Variants in PCDH15 observed in about 807,000 individuals in gnomAD.
The protein encoded by PCDH15 is protocadherin-15.
In PCDH15, 129 loss-of-function variants were observed where a neutral mutation model predicts 178.5. The ratio of observed to expected loss-of-function variants is 0.72; its 90% CI spans 0.63 to 0.84. The LOEUF is 0.84. Ranked by LOEUF, PCDH15 falls within the 40% of genes least tolerant of loss-of-function variation. PCDH15 has a pLI of 0.00. For synonymous variants in PCDH15, 800 were observed against 732.0 expected (o/e 1.09, Z -1.50); for missense variants, 2,230 against 2,099.9 (o/e 1.06, Z -1.21).
chr10:54,870,989 C>A (rs562109707), intron 3 of PCDH15, among the ~76,000 whole-genome samples: 15 of 152,104 alleles, frequency 9.9e-5, no homozygotes, highest in South Asian at 8.3e-4. Context: ...CTTATAGCCC[C>A]CGGGCAATCT....
intron 1 of PCDH15, among the ~76,000 whole-genome samples, chr10:54,687,751 T>A (rs2095039944): frequency 6.6e-6 from 1 of 152,120 alleles, no homozygotes; most frequent in South Asian, 2.1e-4. Context: ...GGTATAAGTC[T>A]CCACTTGTCA....
At chr10:55,167,695 A>G (rs893933219) in intron 1 of PCDH15, among the ~76,000 whole-genome samples, 1 of 152,184 alleles carries the variant, frequency 6.6e-6, no homozygotes, top group Non-Finnish European at 1.5e-5. Flanking sequence ...ATAGATGGAA[A>G]TAGCTATATT....
chr10:55,616,429 CATGTATTA>C (rs1314005685), intron 2 of PCDH15, among the ~76,000 whole-genome samples: 1 of 151,316 alleles, frequency 6.6e-6, no homozygotes, highest in Non-Finnish European at 1.5e-5. Flanking sequence ...TGCAGACAAC[CATGTATTA>C]ATAGTTACAT....
chr10:54,066,776 G>A lies in PCDH15; in HGVS notation c.2201C>T (p.Ala734Val). ...NLSVVEEEAN[A>V]FVGQVKATDP... ...ACTTACTTTTACTTGACCCACAAAGGCATTGGCTTCTTCTTCCACCACAGA... is the reference window on the plus strand; with the variant it reads ...ACTTACTTTTACTTGACCCACAAAGACATTGGCTTCTTCTTCCACCACAGA... Residue 734 changes from alanine (A) to valine (V), a missense_variant, in exon 18 of 38, where the codon GCC becomes GTC. By Grantham distance (64) the Ala-to-Val change is moderately conservative. Coordinates refer to ENST00000644397, the MANE Select transcript of PCDH15 (RefSeq NM_001384140.1). The A allele has an allele frequency of 6.2e-7, 1 of 1,613,182 alleles. No homozygotes were observed.
At chr10:55,038,199 A>T (rs1840782723) in intron 2 of PCDH15, among the ~76,000 whole-genome samples, 1 of 152,288 alleles carries the variant, frequency 6.6e-6, no homozygotes, top group African/African-American at 2.4e-5. Flanking sequence ...AAAAATAACT[A>T]AACATTTATG....
At chr10:54,745,887 T>C (rs181192962) in intron 1 of PCDH15, among the ~76,000 whole-genome samples, 39 of 152,252 alleles carry the variant, frequency 2.6e-4, no homozygotes, top group Admixed American at 1.3e-3. Context: ...GAATATACTT[T>C]TATTAGATAT....
Position 54,722,415 on chromosome 10 carries a change from T to A in PCDH15, c.-28-58125A>T, listed in dbSNP as rs146869349. On this transcript the variant is annotated intron_variant, in intron 1 of 37. Transcript: ENST00000644397. ...TCTGGGAATTTCTCTTATCTCTTGGTTAATTTAACTAGCAGTCAATTCTGT... is the reference window on the plus strand; with the variant it reads ...TCTGGGAATTTCTCTTATCTCTTGGATAATTTAACTAGCAGTCAATTCTGT... Among the ~76,000 whole-genome samples, 135 of 151,880 alleles carry A rather than the reference T, an allele frequency of 8.9e-4. 1 individual carries two copies. The East Asian group carries it at 0.024, about 27-fold the overall frequency.
At chr10:55,203,556 C>G (rs1539686) in intron 1 of PCDH15, among the ~76,000 whole-genome samples, 1,649 of 152,128 alleles carry the variant, frequency 0.011, 48 homozygotes, top group African/African-American at 0.036. Context: ...GGAAGGCTTC[C>G]TTGCTCAGAA....
At chr10:54,012,574 C>T (rs531563639) in intron 20 of PCDH15, among the ~76,000 whole-genome samples, 21 of 152,070 alleles carry the variant, frequency 1.4e-4, no homozygotes, top group African/African-American at 4.3e-4. Context: ...CAAAGAGAAC[C>T]CATCAGGCTA....
At chr10:55,314,355 G>C (rs1038517696) in intron 1 of PCDH15, among the ~76,000 whole-genome samples, 1 of 151,558 alleles carries the variant, frequency 6.6e-6, no homozygotes, top group African/African-American at 2.4e-5. Context: ...GTGGGAAAAA[G>C]GACATTTAAC....
intron 1 of PCDH15, among the ~76,000 whole-genome samples, chr10:54,665,841 A>G (rs34872253): frequency 0.051 from 7,688 of 152,114 alleles, 236 homozygotes; most frequent in East Asian, 0.075. Flanking sequence ...CCCAAAGAAG[A>G]GCTCATTATT....
chr10:54,286,986 G>A (rs2059069234), intron 8 of PCDH15, among the ~76,000 whole-genome samples: 1 of 152,016 alleles, frequency 6.6e-6, no homozygotes, highest in Non-Finnish European at 1.5e-5. Flanking sequence ...CTTATTAAAT[G>A]GTCTATTATC....
At chr10:54,092,997 T>C (rs1198457826) in intron 15 of PCDH15, among the ~76,000 whole-genome samples, 1 of 152,148 alleles carries the variant, frequency 6.6e-6, no homozygotes, top group Non-Finnish European at 1.5e-5. Flanking sequence ...TGTAAACAAT[T>C]TTAAGACCAG....
chr10:54,536,393 T>A (rs957391065), intron 2 of PCDH15, among the ~76,000 whole-genome samples: 2 of 149,698 alleles, frequency 1.3e-5, no homozygotes, highest in African/African-American at 5.0e-5. Context: ...TTTTTTTTTT[T>A]AATATTTCAG....
intron 3 of PCDH15, among the ~76,000 whole-genome samples, chr10:54,844,576 C>G (rs1340834815): frequency 6.6e-6 from 1 of 151,822 alleles, no homozygotes; most frequent in Non-Finnish European, 1.5e-5. Context: ...GATGGATTTT[C>G]TTCACTCGTG....
chr10:54,091,744 T>C (rs2094604088), intron 15 of PCDH15, among the ~76,000 whole-genome samples: 1 of 152,214 alleles, frequency 6.6e-6, no homozygotes, highest in South Asian at 2.1e-4. Context: ...TTGTCCTGCT[T>C]TCAATCCTCA....
At chr10:53,999,897 C>A (rs556442016) in intron 20 of PCDH15, among the ~76,000 whole-genome samples, 6 of 152,112 alleles carry the variant, frequency 3.9e-5, no homozygotes, top group Non-Finnish European at 8.8e-5. Flanking sequence ...TGGACAAGAC[C>A]CAGTGCTGTG....
At chr10:55,378,970 T>TATC (rs1269121680) in intron 2 of PCDH15, among the ~76,000 whole-genome samples, 1 of 151,860 alleles carries the variant, frequency 6.6e-6, no homozygotes, top group Non-Finnish European at 1.5e-5. Flanking sequence ...ATTTTTCCCG[T>TATC]ATCATAGTCC....
chr10:55,165,603 C>T (rs1488757344), intron 2 of PCDH15, among the ~76,000 whole-genome samples: 1 of 151,580 alleles, frequency 6.6e-6, no homozygotes, highest in Non-Finnish European at 1.5e-5. Context: ...GTAGTAAATG[C>T]CTACTTTGCC....
Sources: gnomAD v4.1 joint callset for allele counts (sites outside exome capture counted in the v4.1 genomes callset) on GRCh38, gnomAD v4.1.1 for gene constraint, MANE v1.5 for transcripts, NCBI Gene and HGNC (gene_info 2026-07-23, HGNC 2026-07-21) for gene names.